CNTNAP5: variants seen among roughly 807,000 people sequenced by gnomAD.
CNTNAP5 encodes the protein contactin-associated protein-like 5.
In CNTNAP5, 72 loss-of-function variants were observed where a neutral mutation model predicts 150.2. The observed-to-expected ratio is 0.48, with a 90% CI of 0.40 to 0.58. The LOEUF (loss-of-function observed/expected upper bound fraction) is 0.58, where lower values mean the gene tolerates loss of function less well. Among genes scored for constraint, CNTNAP5 ranks in the 20% least tolerant of loss-of-function variants. CNTNAP5 has a pLI of 0.00. For missense variants in CNTNAP5, 1,636 were observed against 1,626.2 expected (o/e 1.01, Z -0.10); for synonymous variants, 672 against 619.8 (o/e 1.08, Z -1.25).
chr2:124,823,575 G>A (rs539757867), intron 19 of CNTNAP5, among the ~76,000 whole-genome samples: 1 of 152,222 alleles, frequency 6.6e-6, no homozygotes, highest in South Asian at 2.1e-4. Context: ...AACATGAGAA[G>A]GACATCATCA....
chr2:124,452,870 G>C (rs1290911255), intron 6 of CNTNAP5, among the ~76,000 whole-genome samples: 1 of 152,136 alleles, frequency 6.6e-6, no homozygotes, highest in Non-Finnish European at 1.5e-5. Flanking sequence ...ATAAGGAACT[G>C]TACAACAGCC....
chr2:124,753,053 G>A (rs943840565), intron 14 of CNTNAP5, among the ~76,000 whole-genome samples: 1 of 152,112 alleles, frequency 6.6e-6, no homozygotes, highest in East Asian at 1.9e-4. Context: ...ATTTATTTTA[G>A]AAGAAAGTAC....
At chr2:124,542,181 C>T (rs1003763155) in intron 10 of CNTNAP5, among the ~76,000 whole-genome samples, 6 of 151,328 alleles carry the variant, frequency 4.0e-5, no homozygotes, top group Admixed American at 6.6e-5. Flanking sequence ...CCAAGTCCTC[C>T]TGCTTGACTT....
intron 12 of CNTNAP5, 61 bp downstream of exon 12, chr2:124,609,981 T>C (rs1454210831): frequency 5.2e-6 from 8 of 1,540,470 alleles, no homozygotes; most frequent in Middle Eastern, 1.8e-4. Flanking sequence ...GAAGCAAAAA[T>C]AAATTCACTG....
At chr2:124,782,516 C>T (rs568044879) in intron 17 of CNTNAP5, among the ~76,000 whole-genome samples, 12 of 152,246 alleles carry the variant, frequency 7.9e-5, no homozygotes, top group African/African-American at 2.9e-4. Flanking sequence ...CAACCACAAG[C>T]CATAGGTAGA....
At chr2:124,344,063 A>G (rs1689681552) in intron 3 of CNTNAP5, among the ~76,000 whole-genome samples, 2 of 152,148 alleles carry the variant, frequency 1.3e-5, no homozygotes, top group South Asian at 2.1e-4. Flanking sequence ...AAGCCACCAC[A>G]AGGGCAGAGC....
intron 1 of CNTNAP5, among the ~76,000 whole-genome samples, chr2:124,062,374 A>T (rs1573726443): frequency 1.3e-5 from 2 of 151,902 alleles, no homozygotes; most frequent in Admixed American, 6.6e-5. Flanking sequence ...GCTTAACTCA[A>T]TCCTGTTATT....
At chr2:124,449,044 G>A (rs1318116702) in intron 6 of CNTNAP5, among the ~76,000 whole-genome samples, 2 of 152,158 alleles carry the variant, frequency 1.3e-5, no homozygotes, top group Admixed American at 6.5e-5. Context: ...AGATGGAGAT[G>A]AATAATTGAG....
In CNTNAP5 at chr2:124,916,796, G is replaced by A. The variant is rs1678778004; in HGVS notation, c.*2508G>A. ...ACTACATACCACAGACCTAAATGTA[G>A]ATGCCAGGACAGTGCCGTCTACACG... is the stretch of plus-strand genomic sequence containing the variant. On this transcript the variant is annotated 3_prime_UTR_variant, in exon 24 of 24. Coordinates refer to ENST00000682447, the MANE Select transcript of CNTNAP5 (RefSeq NM_001367498.1). 6.6e-6 allele frequency among the ~76,000 whole-genome samples: 1 copy of A among 151,938 alleles called. No homozygotes were observed. The highest frequency in any genetic ancestry group is 1.5e-5 in the Non-Finnish European group (1 of 67,972).
chr2:124,326,027 A>G (rs1689207123), intron 3 of CNTNAP5, among the ~76,000 whole-genome samples: 1 of 152,220 alleles, frequency 6.6e-6, no homozygotes, highest in Non-Finnish European at 1.5e-5. Context: ...TGAAATGAGT[A>G]TAAGGAGGAT....
chr2:124,812,500 A>G (rs539296200), intron 19 of CNTNAP5, among the ~76,000 whole-genome samples: 2 of 152,248 alleles, frequency 1.3e-5, no homozygotes, highest in South Asian at 4.1e-4. Flanking sequence ...GAATTCAGGA[A>G]AAGTCAACTA....
Position 124,865,275 on chromosome 2 carries a change from A to T in CNTNAP5, c.3218-31A>T, listed in dbSNP as rs369188096. 25 of 1,535,058 alleles carry T rather than the reference A, an allele frequency of 1.6e-5. No individual in the cohort carries two copies. In the African/African-American group the frequency reaches 3.3e-4, roughly 20 times the overall value. On this transcript the variant is annotated intron_variant, in intron 19 of 23. Transcript: ENST00000682447. ...CTTTGCATTTTATAGGTGCTGCTTTATATTCTAATTTCTAATATTTTTCTT... is the reference window on the plus strand; with the variant it reads ...CTTTGCATTTTATAGGTGCTGCTTTTTATTCTAATTTCTAATATTTTTCTT...
intron 21 of CNTNAP5, among the ~76,000 whole-genome samples, chr2:124,891,074 T>A (rs560079502): frequency 6.6e-6 from 1 of 152,280 alleles, no homozygotes; most frequent in Admixed American, 6.5e-5. Context: ...GTATCCATTT[T>A]ATAATATCTC....
At chr2:124,168,576 T>G (rs1573806572) in intron 1 of CNTNAP5, among the ~76,000 whole-genome samples, 2 of 152,248 alleles carry the variant, frequency 1.3e-5, no homozygotes, top group South Asian at 4.1e-4. Context: ...AATATCCCCT[T>G]AATACTTTCA....
chr2:124,698,779 A>G (rs920024973), intron 13 of CNTNAP5, among the ~76,000 whole-genome samples: 2 of 152,220 alleles, frequency 1.3e-5, no homozygotes, highest in Non-Finnish European at 2.9e-5. Context: ...TGGCCATCCT[A>G]GCCCCTGGGG....
At chr2:124,428,726 G>A (rs1692298972) in intron 4 of CNTNAP5, among the ~76,000 whole-genome samples, 1 of 150,704 alleles carries the variant, frequency 6.6e-6, no homozygotes, top group South Asian at 2.1e-4. Context: ...GGAAAAATAT[G>A]GACCTTTCAG....
chr2:124,722,686 T>C (rs1236236664), intron 13 of CNTNAP5, among the ~76,000 whole-genome samples: 1 of 152,100 alleles, frequency 6.6e-6, no homozygotes, highest in Admixed American at 6.6e-5. Flanking sequence ...GCTGCTGAGA[T>C]TAAGGGGGTA....
chr2:124,701,010 G>T (rs970676167), intron 13 of CNTNAP5, among the ~76,000 whole-genome samples: 14 of 151,802 alleles, frequency 9.2e-5, no homozygotes, highest in Admixed American at 2.6e-4. Context: ...TGTTTTTGTG[G>T]CAAGAGCAGC....
At chr2:124,026,301 T>C (rs988919227) in intron 1 of CNTNAP5, among the ~76,000 whole-genome samples, 3 of 152,196 alleles carry the variant, frequency 2.0e-5, no homozygotes, top group Non-Finnish European at 2.9e-5. Context: ...ACCAATGTTG[T>C]TAACCACAAG....
Sources: allele counts gnomAD v4.1 joint callset (sites outside exome capture counted in the v4.1 genomes callset), GRCh38; gene constraint gnomAD v4.1.1; transcripts MANE v1.5; gene names NCBI Gene and HGNC (gene_info 2026-07-23, HGNC 2026-07-21).